ATP2B2: variants seen among roughly 807,000 people sequenced by gnomAD.
The protein encoded by ATP2B2 is plasma membrane calcium-transporting ATPase 2.
A neutral mutation model predicts 120.0 loss-of-function variants in ATP2B2; 15 were observed. The observed-to-expected ratio is 0.12, with a 90% CI of 0.08 to 0.19. The LOEUF is 0.19. ATP2B2 is among the 10% of genes least tolerant of loss of function. The pLI is 1.00. For missense variants in ATP2B2, 1,045 were observed against 1,719.8 expected, an observed-to-expected ratio of 0.61 and a Z score of 6.94; for synonymous variants, 694 against 700.3, an observed-to-expected ratio of 0.99 and a Z score of 0.14.
chr3:10,416,929 C>T (rs1381656375), intron 2 of ATP2B2, among the ~76,000 whole-genome samples: 10 of 151,046 alleles, frequency 6.6e-5, no homozygotes, highest in African/African-American at 2.4e-4. Flanking sequence ...GGCAGAGGCA[C>T]TTCTCACTTC....
At chr3:10,690,466 ATC>A (rs2125713132) in intron 1 of ATP2B2, among the ~76,000 whole-genome samples, 2 of 152,188 alleles carry the variant, frequency 1.3e-5, no homozygotes, top group East Asian at 1.9e-4. Context: ...CTATCTATCT[ATC>A]TATCTATCTA....
At position 10,375,942 on chromosome 3, in the gene ATP2B2, C is replaced by T. The variant is rs940226197; in HGVS notation, c.1202-298G>A. Among the ~76,000 whole-genome samples the T allele has an allele frequency of 2.6e-5, 4 of 152,128 alleles. No homozygotes were observed. Among genetic ancestry groups the T allele is most frequent in the Admixed American group, 6.5e-5 (1 of 15,286 alleles). ...ATAGTGCTCGGCAATAGTATGTGCT[C>T]GACACATAGTAGGTGCTCAAGAGAT... On this transcript the variant is annotated intron_variant, in intron 10 of 22. Coordinates refer to ENST00000360273, the MANE Select transcript of ATP2B2 (RefSeq NM_001001331.4). The surrounding 1 kb of genome is among the most constrained non-coding windows in gnomAD (Gnocchi z 4.2).
chr3:10,578,955 A>G (rs536078592), intron 2 of ATP2B2, among the ~76,000 whole-genome samples: 1 of 152,362 alleles, frequency 6.6e-6, no homozygotes, highest in East Asian at 1.9e-4. Context: ...GGGAGGTGGC[A>G]ACGTGCTACA....
Position 10,410,775 on chromosome 3 carries a change from T to G in ATP2B2, c.240A>C (p.Gln80His). 6.2e-7 allele frequency: 1 copy of G among 1,614,154 alleles called. No individual in the cohort carries two copies. Among genetic ancestry groups the G allele is most frequent in the East Asian group, 2.2e-5 (1 of 44,872 alleles). Reference protein sequence around the residue: ...GTAPDLEKRKQIFGQNFIPPK... With the variant: ...GTAPDLEKRKHIFGQNFIPPK... ...GAGGTATAAAGTTTTGCCCAAAAATTTGCTTTCTCTTTTCCAGGTCTGGAG... is the reference window on the plus strand; with the variant it reads ...GAGGTATAAAGTTTTGCCCAAAAATGTGCTTTCTCTTTTCCAGGTCTGGAG... The change falls in exon 3 of 23, where the codon CAA becomes CAC. Residue 80 changes from glutamine to histidine, a missense_variant. By Grantham distance (24) the Gln-to-His change is conservative. Around this residue, in one of 11 missense-constraint regions of ATP2B2, gnomAD observed 139 missense variants for 134.2 expected, o/e 1.04. Transcript: ENST00000360273.
intron 1 of ATP2B2, among the ~76,000 whole-genome samples, chr3:10,697,969 G>A (rs2071764031): frequency 6.6e-6 from 1 of 152,238 alleles, no homozygotes; most frequent in Admixed American, 6.5e-5. Context: ...CTAGATGGGA[G>A]GCAGGAGAGT....
At chr3:10,396,963 C>T (rs2062058113) in intron 5 of ATP2B2, among the ~76,000 whole-genome samples, 5 of 152,344 alleles carry the variant, frequency 3.3e-5, no homozygotes, top group Admixed American at 3.3e-4. Context: ...AGGGAACCAA[C>T]TTATGTTGAG....
At position 10,526,427 on chromosome 3, in the gene ATP2B2, G is replaced by C. The variant is rs534753561; in HGVS notation, c.-320+7612C>G. Reference sequence around the variant, plus strand: ...AGCTTGAGGAGCTCTGCAGTTCCCTGACAGCTTCCTCCAAAGCTATATCCC... The same window carrying C: ...AGCTTGAGGAGCTCTGCAGTTCCCTCACAGCTTCCTCCAAAGCTATATCCC... On this transcript the variant is annotated intron_variant, in intron 3 of 21. Transcript: ENST00000646379. Among the ~76,000 whole-genome samples, 3 of 152,322 alleles carry C rather than the reference G, an allele frequency of 2.0e-5. No individual in the cohort carries two copies. The East Asian group carries it at 5.8e-4, about 29-fold the overall frequency.
intron 1 of ATP2B2, among the ~76,000 whole-genome samples, chr3:10,666,570 G>A (rs1045353367): frequency 5.9e-5 from 9 of 152,186 alleles, no homozygotes; most frequent in Non-Finnish European, 1.0e-4. Flanking sequence ...CAAGTCCTGC[G>A]GCCTCTTGTT....
intron 1 of ATP2B2, among the ~76,000 whole-genome samples, chr3:10,683,728 G>GTA (rs2125705475): frequency 1.6e-5 from 2 of 128,550 alleles, no homozygotes; most frequent in South Asian, 5.7e-4. Flanking sequence ...ATGTGTGTGT[G>GTA]TATATATATG....
chr3:10,431,811 CTT>C (rs1033256127), intron 2 of ATP2B2, among the ~76,000 whole-genome samples: 7 of 152,066 alleles, frequency 4.6e-5, no homozygotes, highest in Non-Finnish European at 7.4e-5. Context: ...CCTTAGCTCT[CTT>C]GTTTCATTTT....
chr3:10,559,325 A>G (rs2067850109), intron 2 of ATP2B2, among the ~76,000 whole-genome samples: 1 of 152,216 alleles, frequency 6.6e-6, no homozygotes, highest in African/African-American at 2.4e-5. Context: ...TTATAGCACT[A>G]TCGGGTGAAC....
At position 10,476,104 on chromosome 3, in the gene ATP2B2, G is replaced by A. The variant is rs138391468; in HGVS notation, c.-319-26242C>T. Among the ~76,000 whole-genome samples, 493 of 152,134 alleles carry A rather than the reference G, an allele frequency of 3.2e-3. 2 individuals carry two copies. The highest frequency in any genetic ancestry group is 0.011 in the African/African-American group (467 of 41,540). On this transcript the variant is annotated intron_variant, in intron 1 of 22. Transcript: ENST00000360273. ...AAGCATGAGTTACCCCGCTAAGCAA[G>A]TTTCTCTGTCTGCAAAATTCGCATA...
chr3:10,488,288 T>TCCATCCATGCATCCATCCAC (rs2065788088), intron 1 of ATP2B2, among the ~76,000 whole-genome samples: 1 of 113,894 alleles, frequency 8.8e-6, no homozygotes, highest in Non-Finnish European at 1.8e-5. Context: ...CATGCATCCA[T>TCCATCCATGCATCCATCCAC]CCACCCACCC....
intron 3 of ATP2B2, among the ~76,000 whole-genome samples, chr3:10,517,953 C>A (rs1027858978): frequency 6.6e-6 from 1 of 151,620 alleles, no homozygotes; most frequent in African/African-American, 2.4e-5. Flanking sequence ...GGGGATTGGG[C>A]AGCCTGTGCA....
intron 2 of ATP2B2, among the ~76,000 whole-genome samples, chr3:10,434,764 T>C (rs2063424646): frequency 6.6e-6 from 1 of 152,204 alleles, no homozygotes. Flanking sequence ...TTTATCTACT[T>C]ATAGCCCATG....
chr3:10,665,495 A>G (rs1419095268), intron 1 of ATP2B2, among the ~76,000 whole-genome samples: 1 of 152,066 alleles, frequency 6.6e-6, no homozygotes, highest in Non-Finnish European at 1.5e-5. Context: ...GGTTCCTGGA[A>G]TAGGGGCTGC....
At chr3:10,358,165 C>T (rs148223697) in intron 14 of ATP2B2, among the ~76,000 whole-genome samples, 3 of 152,320 alleles carry the variant, frequency 2.0e-5, no homozygotes, top group Non-Finnish European at 4.4e-5. Context: ...TGTTCCTAGG[C>T]CAGCTTGCTG....
rs113754603 is a variant in ATP2B2 at position 10,343,432 on chromosome 3, G to A, written c.2704-467C>T. On this transcript the variant is annotated intron_variant, in intron 18 of 22. Coordinates refer to ENST00000360273, the MANE Select transcript of ATP2B2 (RefSeq NM_001001331.4). This position sits in a 1 kb window ranked among gnomAD's most constrained non-coding sequence, Gnocchi z 4.2. ...CCAATGTCTCCTCCCCTCTTATCCCGCCTTACCTTAAAAAATTATTGTGCG... is the reference window on the plus strand; with the variant it reads ...CCAATGTCTCCTCCCCTCTTATCCCACCTTACCTTAAAAAATTATTGTGCG... Among the ~76,000 whole-genome samples the A allele has an allele frequency of 2.2e-5, 2 of 89,052 alleles. No individual in the cohort carries two copies. The allele number at this position is 89,052 out of a possible 152,430, so 58.4% of individuals were successfully genotyped here.
At chr3:10,413,304 T>A (rs760224497) in intron 2 of ATP2B2, among the ~76,000 whole-genome samples, 12 of 152,208 alleles carry the variant, frequency 7.9e-5, no homozygotes, top group Non-Finnish European at 1.6e-4. Context: ...GAGATCTCCA[T>A]CAGGAGCCTC....
Sources: gnomAD v4.1 joint callset for allele counts (sites outside exome capture counted in the v4.1 genomes callset) on GRCh38, gnomAD v4.1.1 for gene constraint, gnomAD v4.1.1 regional missense constraint, Gnocchi (gnomAD v3.1) non-coding constraint, MANE v1.5 for transcripts, NCBI Gene and HGNC (gene_info 2026-07-23, HGNC 2026-07-21) for gene names.